HTR1F: variants seen among roughly 807,000 people sequenced by gnomAD.
The protein encoded by HTR1F is 5-hydroxytryptamine receptor 1F.
Under a neutral mutation model 24.0 loss-of-function variants are expected in HTR1F, and 17 were observed. The ratio of observed to expected loss-of-function variants is 0.71; its 90% confidence interval spans 0.48 to 1.06. The LOEUF is 1.06. Ranked by LOEUF, HTR1F falls within the 50% of genes least tolerant of loss-of-function variation. The pLI is 0.00. For missense variants in HTR1F, 391 were observed against 427.8 expected (o/e 0.91, Z 0.76); for synonymous variants, 186 against 156.8 (o/e 1.19, Z -1.39).
chr3:87,883,658 T>A (rs146258606), intron 2 of HTR1F, among the ~76,000 whole-genome samples: 4 of 152,256 alleles, frequency 2.6e-5, no homozygotes, highest in Non-Finnish European at 4.4e-5. Context: ...CTTGACCTGA[T>A]GGAGCTGAAA....
At chr3:87,853,888 T>G (rs1457979846) in intron 2 of HTR1F, among the ~76,000 whole-genome samples, 1 of 152,102 alleles carries the variant, frequency 6.6e-6, no homozygotes, top group Non-Finnish European at 1.5e-5. Flanking sequence ...TTCATGTTCT[T>G]TGTCCACTTT....
intron 2 of HTR1F, among the ~76,000 whole-genome samples, chr3:87,970,390 A>G (rs1463575797): frequency 6.6e-6 from 1 of 152,222 alleles, no homozygotes; most frequent in Admixed American, 6.5e-5. Context: ...TAAAGTTCCT[A>G]AGTGATGCTG....
intron 2 of HTR1F, among the ~76,000 whole-genome samples, chr3:87,920,047 A>G (rs1357360160): frequency 6.7e-6 from 1 of 148,948 alleles, no homozygotes; most frequent in Non-Finnish European, 1.5e-5. Context: ...ATATATATAT[A>G]TATGATAGAA....
intron 2 of HTR1F, among the ~76,000 whole-genome samples, chr3:87,855,853 G>T (rs1705187326): frequency 6.6e-6 from 1 of 151,974 alleles, no homozygotes; most frequent in Admixed American, 6.6e-5. Context: ...CTGCCTATTA[G>T]TCACAAACCC....
chr3:87,988,554 T>G (rs1414722920), intron 2 of HTR1F, among the ~76,000 whole-genome samples: 2 of 152,176 alleles, frequency 1.3e-5, no homozygotes, highest in Non-Finnish European at 2.9e-5. Context: ...TACGCTGCAT[T>G]TCAAAGTTTT....
chr3:87,969,913 T>A (rs1393911513), intron 2 of HTR1F, among the ~76,000 whole-genome samples: 1 of 152,210 alleles, frequency 6.6e-6, no homozygotes, highest in Admixed American at 6.5e-5. Context: ...AGTAAATAAG[T>A]GTCAAGAGAT....
chr3:87,977,289 A>C (rs1417598956), intron 2 of HTR1F, among the ~76,000 whole-genome samples: 2 of 152,086 alleles, frequency 1.3e-5, no homozygotes, highest in African/African-American at 4.8e-5. Context: ...AATAATATTA[A>C]GTTTTTTAGA....
chr3:87,922,887 T>C (rs2107381086), intron 2 of HTR1F, among the ~76,000 whole-genome samples: 1 of 151,500 alleles, frequency 6.6e-6, no homozygotes, highest in African/African-American at 2.4e-5. Flanking sequence ...TTTCTTCTAG[T>C]CATTTCACAG....
At chr3:87,912,633 CA>C (rs35147140) in intron 2 of HTR1F, among the ~76,000 whole-genome samples, 28,740 of 84,178 alleles carry the variant, frequency 0.34, 2,790 homozygotes, top group South Asian at 0.43. Flanking sequence ...CAATCCTAGG[CA>C]AAAAAAAAAA....
intron 2 of HTR1F, among the ~76,000 whole-genome samples, chr3:87,866,843 T>C (rs1383438628): frequency 1.4e-5 from 2 of 148,040 alleles, no homozygotes; most frequent in Admixed American, 6.7e-5. Context: ...TGTGTGTGTG[T>C]GTGCGTGTGT....
intron 2 of HTR1F, among the ~76,000 whole-genome samples, chr3:87,913,351 G>A (rs992166182): frequency 2.6e-5 from 4 of 152,118 alleles, no homozygotes; most frequent in Non-Finnish European, 4.4e-5. Flanking sequence ...AACATCACTG[G>A]TCATTACAGA....
intron 2 of HTR1F, among the ~76,000 whole-genome samples, chr3:87,846,247 A>G (rs1220950453): frequency 1.3e-5 from 2 of 152,032 alleles, no homozygotes; most frequent in Non-Finnish European, 2.9e-5. Context: ...AGCCTGGCCA[A>G]CATGGCAAAA....
chr3:87,924,616 T>C (rs559227841), intron 2 of HTR1F, among the ~76,000 whole-genome samples: 5 of 152,278 alleles, frequency 3.3e-5, no homozygotes, highest in African/African-American at 1.2e-4. Context: ...TTCTCCTTAG[T>C]TTCTGAAGGA....
chr3:87,809,961 AT>A (rs1161523305), intron 1 of HTR1F, among the ~76,000 whole-genome samples: 2 of 151,682 alleles, frequency 1.3e-5, no homozygotes, highest in East Asian at 1.9e-4. Flanking sequence ...CCATCTGGTT[AT>A]TTTTTTTCCT....
chr3:87,961,595 T>C (rs1705061530), intron 2 of HTR1F, among the ~76,000 whole-genome samples: 1 of 152,026 alleles, frequency 6.6e-6, no homozygotes, highest in Admixed American at 6.6e-5. Context: ...GACCCATCTC[T>C]ATTCTAAATG....
At chr3:87,885,841 A>G (rs1705927016) in intron 2 of HTR1F, among the ~76,000 whole-genome samples, 1 of 152,168 alleles carries the variant, frequency 6.6e-6, no homozygotes, top group South Asian at 2.1e-4. Context: ...AATTGAGGCA[A>G]TAATCAATAG....
intron 2 of HTR1F, among the ~76,000 whole-genome samples, chr3:87,925,581 C>T (rs375595659): frequency 2.6e-5 from 4 of 152,080 alleles, no homozygotes; most frequent in Non-Finnish European, 5.9e-5. Context: ...GGTTACAATG[C>T]CCCATAACAG....
intron 2 of HTR1F, among the ~76,000 whole-genome samples, chr3:87,982,671 C>A (rs1251067427): frequency 6.6e-6 from 1 of 152,146 alleles, no homozygotes; most frequent in Non-Finnish European, 1.5e-5. Context: ...AAATCAGAAG[C>A]AGAAGTGGGC....
intron 2 of HTR1F, among the ~76,000 whole-genome samples, chr3:87,870,197 A>C (rs1430352792): frequency 1.3e-5 from 2 of 152,084 alleles, no homozygotes; most frequent in African/African-American, 4.8e-5. Context: ...AATAAAAGTG[A>C]GGTCTGTATT....
Sources: allele counts gnomAD v4.1 joint callset (sites outside exome capture counted in the v4.1 genomes callset), GRCh38; gene constraint gnomAD v4.1.1; transcripts MANE v1.5; gene names NCBI Gene and HGNC (gene_info 2026-07-23, HGNC 2026-07-21).